NRG1: variants seen among roughly 807,000 people sequenced by gnomAD.
NRG1 encodes neuregulin 1.
In NRG1, 18 loss-of-function variants were observed where a neutral mutation model predicts 63.8. The ratio of observed to expected loss-of-function variants is 0.28; its 90% confidence interval spans 0.19 to 0.42. The LOEUF is 0.42. Among genes scored for constraint, NRG1 ranks in the 10% least tolerant of loss-of-function variants. The pLI is 1.00. For missense variants in NRG1, 762 were observed against 814.7 expected (o/e 0.94, Z 0.79); for synonymous variants, 302 against 301.3 (o/e 1.00, Z -0.02).
At chr8:31,972,571 G>A (rs1807476731) in intron 1 of NRG1, among the ~76,000 whole-genome samples, 1 of 152,028 alleles carries the variant, frequency 6.6e-6, no homozygotes, top group Non-Finnish European at 1.5e-5. Context: ...AAGCTTCCTA[G>A]GCTTCATTTT....
intron 1 of NRG1, among the ~76,000 whole-genome samples, chr8:32,470,947 G>A (rs566666679): frequency 6.6e-6 from 1 of 152,196 alleles, no homozygotes; most frequent in South Asian, 2.1e-4. Context: ...ATAGGCGCAT[G>A]CCATCATGCG....
intron 5 of NRG1, among the ~76,000 whole-genome samples, chr8:32,664,313 C>A (rs1168019233): frequency 5.3e-5 from 8 of 150,086 alleles, no homozygotes; most frequent in African/African-American, 7.3e-5. Flanking sequence ...AAAAAAAAAA[C>A]CAAAAAGGAA....
At chr8:32,473,875 G>T (rs143566481) in intron 1 of NRG1, among the ~76,000 whole-genome samples, 1 of 151,918 alleles carries the variant, frequency 6.6e-6, no homozygotes, top group Non-Finnish European at 1.5e-5. Flanking sequence ...TTCTAGAGAC[G>T]ATGTCTCGCC....
intron 1 of NRG1, among the ~76,000 whole-genome samples, chr8:32,510,460 AG>A (rs1310971514): frequency 6.6e-6 from 1 of 152,190 alleles, no homozygotes; most frequent in East Asian, 1.9e-4. Context: ...TGCAGAGAGA[AG>A]GTGAGAAGAT....
At chr8:32,571,222 T>C (rs1838525087) in intron 1 of NRG1, among the ~76,000 whole-genome samples, 1 of 152,210 alleles carries the variant, frequency 6.6e-6, no homozygotes, top group Non-Finnish European at 1.5e-5. Context: ...CTAGTAATAA[T>C]GGATGCCGGG....
In NRG1 at chr8:32,732,738, C is replaced by T. The variant is rs116346501; in HGVS notation, c.632+4660C>T. On this transcript the variant is annotated intron_variant, in intron 6 of 11. Transcript: ENST00000356819. Reference sequence around the variant, plus strand: ...AGTAAATGGTAGTATTACATTCTCTCAGTAGACATTGGAAAAATATATACA... The same window carrying T: ...AGTAAATGGTAGTATTACATTCTCTTAGTAGACATTGGAAAAATATATACA... Among the ~76,000 whole-genome samples the T allele has an allele frequency of 3.9e-3, 588 of 150,296 alleles. 5 individuals are homozygous for T. Among genetic ancestry groups the T allele is most frequent in the African/African-American group, 0.014 (570 of 40,886 alleles).
intron 1 of NRG1, among the ~76,000 whole-genome samples, chr8:32,568,521 G>C (rs1837896604): frequency 6.6e-6 from 1 of 152,166 alleles, no homozygotes; most frequent in South Asian, 2.1e-4. Flanking sequence ...AGAACACCAG[G>C]AGACATTTAG....
At position 31,640,140 on chromosome 8, in the gene NRG1, C is replaced by A; in HGVS notation, c.37+709C>A. 1 of 1,166,776 alleles carries A rather than the reference C, an allele frequency of 8.6e-7. No individual in the cohort carries two copies. The highest frequency in any genetic ancestry group is 1.1e-6 in the Non-Finnish European group (1 of 946,318). 72.3% of individuals were successfully genotyped at this position (1,166,776 alleles called of 1,614,324 possible). A position where few individuals can be genotyped will look rare whatever the true frequency, so the allele number is the denominator to read the frequency against. ...TGGCGCCGGGGGCGGCGGCCGGCAA[C>A]GAGGCGGCTCCCGCGGGGGCCTCGG... On this transcript the variant is annotated intron_variant, in intron 1 of 10. Coordinates refer to the NRG1 transcript ENST00000519301. The surrounding 1 kb of genome is among the most constrained non-coding windows in gnomAD (Gnocchi z 6.3).
intron 1 of NRG1, among the ~76,000 whole-genome samples, chr8:32,005,725 G>A (rs1038700313): frequency 9.2e-5 from 14 of 151,818 alleles, no homozygotes; most frequent in Non-Finnish European, 1.2e-4. Context: ...GAAACAAAAC[G>A]TTCAGCGAGG....
intron 1 of NRG1, among the ~76,000 whole-genome samples, chr8:32,254,835 CT>C (rs944086900): frequency 1.3e-5 from 2 of 152,172 alleles, no homozygotes; most frequent in African/African-American, 4.8e-5. Context: ...TAAGAACTTG[CT>C]TTATGAATCT....
intron 1 of NRG1, among the ~76,000 whole-genome samples, chr8:32,190,553 G>A (rs533769807): frequency 6.6e-6 from 1 of 152,322 alleles, no homozygotes; most frequent in East Asian, 1.9e-4. Flanking sequence ...ACTCTGAAGA[G>A]CAAGCAATCT....
chr8:32,738,595 G>A (rs1295476702), intron 6 of NRG1, among the ~76,000 whole-genome samples: 2 of 152,122 alleles, frequency 1.3e-5, no homozygotes, highest in East Asian at 1.9e-4. Flanking sequence ...TTATCTTCCA[G>A]GAAAGTGATG....
chr8:32,006,426 T>G (rs1483864963), intron 1 of NRG1, among the ~76,000 whole-genome samples: 1 of 152,066 alleles, frequency 6.6e-6, no homozygotes, highest in Non-Finnish European at 1.5e-5. Context: ...TGTCTTTTCA[T>G]TCCCATGATT....
intron 1 of NRG1, among the ~76,000 whole-genome samples, chr8:32,435,268 TG>T (rs1173988618): frequency 4.6e-5 from 7 of 152,140 alleles, no homozygotes; most frequent in Non-Finnish European, 7.4e-5. Context: ...ATTGGTTAGG[TG>T]GGCCAAGGTG....
At chr8:32,557,209 G>A (rs1331551776) in intron 1 of NRG1, among the ~76,000 whole-genome samples, 2 of 152,116 alleles carry the variant, frequency 1.3e-5, no homozygotes, top group East Asian at 3.9e-4. Flanking sequence ...GTGTTTCACT[G>A]TGTTAGCCAG....
rs1394427619 is a variant in NRG1 at position 32,764,246 on chromosome 8, G to A, written c.1758G>A (p.Leu586=). The change falls in exon 12 of 12, where the codon CTG becomes CTA. Residue 586 remains leucine (L), a synonymous_variant. Coordinates refer to ENST00000356819, the Ensembl canonical transcript of NRG1. The stretch of plus-strand genomic sequence containing the variant: ...GAGTAGGTGAAGATACGCCTTTCCT[G>A]GGCATACAGAACCCCCTGGCAGCCA... 3.1e-6 allele frequency: 5 copies of A among 1,614,108 alleles called. No homozygotes were observed. The East Asian group carries it at 1.1e-4, about 36-fold the overall frequency.
chr8:32,743,597 A>ATATATATATATATATATATATATAT (rs1335040311), intron 7 of NRG1, among the ~76,000 whole-genome samples: 1 of 37,034 alleles, frequency 2.7e-5, no homozygotes, highest in Non-Finnish European at 5.4e-5. Context: ...TATATATATA[A>ATATATATATATATATATATATATAT]AACTTAATAA....
chr8:32,712,468 G>A (rs543189779), intron 5 of NRG1, among the ~76,000 whole-genome samples: 1 of 152,104 alleles, frequency 6.6e-6, no homozygotes, highest in Admixed American at 6.6e-5. Context: ...CAGCAACTGC[G>A]CATGCTATTC....
chr8:32,184,403 A>C (rs567894091), intron 1 of NRG1, among the ~76,000 whole-genome samples: 1 of 152,154 alleles, frequency 6.6e-6, no homozygotes, highest in Non-Finnish European at 1.5e-5. Context: ...GCTGAGGCCA[A>C]ACAAAATCAA....
Sources: allele counts gnomAD v4.1 joint callset (sites outside exome capture counted in the v4.1 genomes callset), GRCh38; gene constraint gnomAD v4.1.1; non-coding constraint Gnocchi (gnomAD v3.1); transcripts MANE v1.5; gene names NCBI Gene and HGNC (gene_info 2026-07-23, HGNC 2026-07-21).